Variants in FBLN5 observed in about 807,000 individuals in gnomAD.
FBLN5 encodes fibulin 5.
FBLN5 carries 24 observed loss-of-function variants against 61.6 expected under a neutral mutation model. The ratio of observed to expected loss-of-function variants is 0.39; its 90% CI spans 0.28 to 0.55. The LOEUF is 0.55. FBLN5 is among the 20% of genes least tolerant of loss of function. The pLI, the probability that FBLN5 is intolerant of heterozygous loss-of-function variation, is 0.65. For synonymous variants in FBLN5, 213 were observed against 219.8 expected (o/e 0.97, Z 0.27); for missense variants, 470 against 594.1 (o/e 0.79, Z 2.17).
rs1396140890 is a variant in FBLN5 at position 91,882,433 on chromosome 14, C to G, written c.862+521G>C. 2.6e-5 allele frequency among the ~76,000 whole-genome samples: 4 copies of G among 152,190 alleles called. No individual in the cohort carries two copies. On this transcript the variant is annotated intron_variant, in intron 8 of 10. Coordinates refer to ENST00000342058, the MANE Select transcript of FBLN5 (RefSeq NM_006329.4). The surrounding 1 kb of genome is among the most constrained non-coding windows in gnomAD (Gnocchi z 4.9). ...GGGGCTGGAACCCAGGCTAAGCAGG[C>G]AAACAGGAGAAGGCCCACCCCTTTT...
chr14:91,934,862 G>C (rs1324533717), intron 4 of FBLN5, among the ~76,000 whole-genome samples: 3 of 152,074 alleles, frequency 2.0e-5, no homozygotes, highest in African/African-American at 7.2e-5. Context: ...GGAAGGAGCG[G>C]TAGGTAGAAA....
At chr14:91,896,089 C>A (rs914884932) in intron 4 of FBLN5, among the ~76,000 whole-genome samples, 14 of 152,128 alleles carry the variant, frequency 9.2e-5, no homozygotes, top group Admixed American at 5.2e-4. Context: ...ATGGTCATTC[C>A]CAAGCCATCT....
chr14:91,938,742 T>C (rs2056060493), intron 3 of FBLN5, among the ~76,000 whole-genome samples: 1 of 152,178 alleles, frequency 6.6e-6, no homozygotes, highest in South Asian at 2.1e-4. Flanking sequence ...TGGAGTCTGC[T>C]CTGTGCGGGG....
chr14:91,910,981 C>G (rs957525556), intron 4 of FBLN5, among the ~76,000 whole-genome samples: 6 of 126,068 alleles, frequency 4.8e-5, no homozygotes, highest in Admixed American at 2.9e-4. Context: ...ATTTTTTTAG[C>G]TTTGTAATTT....
rs1404455939 is a variant in FBLN5 at position 91,882,943 on chromosome 14, G to A, written c.862+11C>T. ...CATACACCCCAGCCAGGCCCCTCCG[G>A]ACAGCCTTACCTTGGCAGCTTCGGT... On this transcript the variant is annotated intron_variant, in intron 8 of 10. Transcript: ENST00000342058. The surrounding 1 kb of genome is among the most constrained non-coding windows in gnomAD (Gnocchi z 4.9). The A allele has an allele frequency of 6.2e-7, 1 of 1,613,446 alleles. No homozygotes were observed. The highest frequency in any genetic ancestry group is 1.3e-5 in the African/African-American group (1 of 75,018).
At chr14:91,892,460 C>T (rs185171899) in intron 5 of FBLN5, among the ~76,000 whole-genome samples, 155 of 152,360 alleles carry the variant, frequency 1.0e-3, no homozygotes, top group African/African-American at 3.1e-3. Context: ...CCAGGAAGGA[C>T]TCCACCTCCC....
chr14:91,938,962 C>T (rs2140050622), intron 3 of FBLN5, among the ~76,000 whole-genome samples: 1 of 152,298 alleles, frequency 6.6e-6, no homozygotes, highest in East Asian at 1.9e-4. Flanking sequence ...ATCAAATCTT[C>T]AAATCAAAAC....
chr14:91,881,337 AT>A lies in FBLN5; in HGVS notation c.943del (p.Ile315LeufsTer11). 6.2e-7 allele frequency: 1 copy of A among 1,614,144 alleles called. No homozygotes were observed. Among genetic ancestry groups the A allele is most frequent in the Non-Finnish European group, 8.5e-7 (1 of 1,180,000 alleles). ...AGGCTCCTCACAGCGGATGGGGTCA[AT>A]GCATTTGAAGCCCCCTTGTAAATTG... ...CYNLQGGFKC[I>X]DPIRCEEPYL... is the part of the protein sequence containing the mutation. On this transcript the variant is annotated frameshift_variant, in exon 9 of 11. Transcript: ENST00000342058. LOFTEE classifies it high-confidence loss of function.
At chr14:91,923,809 C>G (rs78064911) in intron 4 of FBLN5, among the ~76,000 whole-genome samples, 1 of 152,142 alleles carries the variant, frequency 6.6e-6, no homozygotes, top group African/African-American at 2.4e-5. Context: ...ACCCTCCTAG[C>G]CCTTGGCAGT....
chr14:91,932,533 C>T (rs771655762), intron 4 of FBLN5, among the ~76,000 whole-genome samples: 2 of 152,170 alleles, frequency 1.3e-5, no homozygotes, highest in Non-Finnish European at 2.9e-5. Flanking sequence ...AGTAAACCGC[C>T]GTGAAAGGGG....
At chr14:91,942,254 C>A (rs556695808) in intron 2 of FBLN5, 6 of 449,072 alleles carry the variant, frequency 1.3e-5, no homozygotes, top group African/African-American at 4.0e-5. Flanking sequence ...TCACCCACCC[C>A]CTTCTTACTC....
At chr14:91,928,176 G>T (rs750514176) in intron 4 of FBLN5, among the ~76,000 whole-genome samples, 2 of 152,264 alleles carry the variant, frequency 1.3e-5, no homozygotes, top group South Asian at 4.1e-4. Flanking sequence ...TAAAACACAC[G>T]CAACAGAGAA....
At chr14:91,889,658 C>T (rs372404268) in intron 6 of FBLN5, among the ~76,000 whole-genome samples, 1 of 152,232 alleles carries the variant, frequency 6.6e-6, no homozygotes, top group Admixed American at 6.5e-5. Context: ...AATGCTCTAG[C>T]GTGTACAGCA....
At chr14:91,929,465 C>T (rs1235549784) in intron 4 of FBLN5, among the ~76,000 whole-genome samples, 2 of 152,148 alleles carry the variant, frequency 1.3e-5, no homozygotes, top group African/African-American at 2.4e-5. Flanking sequence ...TTTCTTTTCA[C>T]AGATAATAAA....
At chr14:91,919,068 TG>T (rs1318427784) in intron 4 of FBLN5, among the ~76,000 whole-genome samples, 6 of 152,050 alleles carry the variant, frequency 3.9e-5, no homozygotes, top group African/African-American at 1.4e-4. Flanking sequence ...CTGTGGCTCA[TG>T]CGTGTAATCC....
intron 4 of FBLN5, among the ~76,000 whole-genome samples, chr14:91,928,822 G>T (rs1353705494): frequency 1.3e-5 from 2 of 152,072 alleles, no homozygotes; most frequent in African/African-American, 4.8e-5. Flanking sequence ...ACTTTGGGAG[G>T]CACAGGTGGG....
chr14:91,934,798 C>T (rs2055985435), intron 4 of FBLN5, among the ~76,000 whole-genome samples: 1 of 152,154 alleles, frequency 6.6e-6, no homozygotes, highest in South Asian at 2.1e-4. Context: ...CGCCACGGTG[C>T]CTTGCTTCCC....
chr14:91,909,878 T>C (rs1157919991), intron 4 of FBLN5, among the ~76,000 whole-genome samples: 4 of 151,864 alleles, frequency 2.6e-5, no homozygotes, highest in Admixed American at 2.6e-4. Flanking sequence ...CAACAAAAAA[T>C]AGAAAAAAAC....
intron 4 of FBLN5, among the ~76,000 whole-genome samples, chr14:91,930,706 G>A (rs1033889946): frequency 6.6e-6 from 1 of 152,124 alleles, no homozygotes; most frequent in Admixed American, 6.5e-5. Flanking sequence ...AGCATTAGGG[G>A]CTGAGGTTCC....
Sources: allele counts gnomAD v4.1 joint callset (sites outside exome capture counted in the v4.1 genomes callset), GRCh38; gene constraint gnomAD v4.1.1; non-coding constraint Gnocchi (gnomAD v3.1); transcripts MANE v1.5; gene names NCBI Gene and HGNC (gene_info 2026-07-23, HGNC 2026-07-21).